Variants in XPO5 observed in about 807,000 individuals in gnomAD.
The protein encoded by XPO5 is exportin-5.
Under a neutral mutation model 160.6 loss-of-function variants are expected in XPO5, and 46 were observed. The observed-to-expected ratio is 0.29, with a 90% CI of 0.23 to 0.37. The LOEUF (loss-of-function observed/expected upper bound fraction) is 0.37. Ranked by LOEUF, XPO5 falls within the 10% of genes least tolerant of loss-of-function variation. XPO5 has a pLI of 1.00. For missense variants in XPO5, 1,090 were observed against 1,463.9 expected, an observed-to-expected ratio of 0.74 and a Z score of 4.17; for synonymous variants, 537 against 519.3, an observed-to-expected ratio of 1.03 and a Z score of -0.46.
chr6:43,530,507 T>G (rs1000742547), intron 23 of XPO5, among the ~76,000 whole-genome samples, 181 bp downstream of exon 23: 2 of 152,216 alleles, frequency 1.3e-5, no homozygotes, highest in African/African-American at 4.8e-5. Flanking sequence ...TATGGCCATC[T>G]GGACTGCCTT....
At chr6:43,531,665 G>T in intron 21 of XPO5, 90 bp from the exon 22 acceptor site, 1 of 1,126,350 alleles carries the variant, frequency 8.9e-7, no homozygotes, top group Non-Finnish European at 1.4e-6. Context: ...GTTGTTCAGG[G>T]GTGAAGATGT....
intron 8 of XPO5, among the ~76,000 whole-genome samples, chr6:43,562,814 T>G (rs1762480661): frequency 6.6e-6 from 1 of 152,172 alleles, no homozygotes; most frequent in Admixed American, 6.6e-5. Context: ...AGTATGAGTG[T>G]CATGATGTCT....
intron 17 of XPO5, among the ~76,000 whole-genome samples, chr6:43,548,708 T>G (rs1322273134): frequency 1.3e-5 from 2 of 151,364 alleles, no homozygotes; most frequent in African/African-American, 4.8e-5. Flanking sequence ...TGTGAAAAGA[T>G]CAGCTTGTTT....
At chr6:43,557,695 C>A (rs976878209) in intron 12 of XPO5, among the ~76,000 whole-genome samples, 1 of 139,144 alleles carries the variant, frequency 7.2e-6, no homozygotes, top group African/African-American at 2.7e-5. Flanking sequence ...GATGGCTGCA[C>A]AACTCTGTAA....
intron 20 of XPO5, among the ~76,000 whole-genome samples, chr6:43,537,785 G>A (rs1794426622): frequency 6.6e-6 from 1 of 152,102 alleles, no homozygotes; most frequent in Admixed American, 6.5e-5. Flanking sequence ...AGAAAAAGAG[G>A]GCCAGGCATG....
rs1364847115 is a variant in XPO5 at position 43,525,933 on chromosome 6, G to T, written c.2984-12C>A. The stretch of plus-strand genomic sequence containing the variant: ...CATCATTTCTTCATCTGTTATCAGA[G>T]AGTAGAATGTTAAGCTCCATCCTTT... On this transcript the variant is annotated splice_polypyrimidine_tract_variant and intron_variant, in intron 27 of 31. Coordinates refer to ENST00000265351, the MANE Select transcript of XPO5 (RefSeq NM_020750.3). The T allele has an allele frequency of 5.6e-6, 9 of 1,613,558 alleles. No individual in the cohort carries two copies. Among genetic ancestry groups the T allele is most frequent in the Non-Finnish European group, 7.6e-6 (9 of 1,179,700 alleles).
intron 21 of XPO5, chr6:43,533,486 C>T (rs1794129634): frequency 6.4e-6 from 1 of 157,278 alleles, no homozygotes; most frequent in South Asian, 1.9e-4. Flanking sequence ...CATTTCTGAA[C>T]AAATAGATGG....
chr6:43,536,881 A>G (rs1460099547), intron 20 of XPO5, among the ~76,000 whole-genome samples: 1 of 151,716 alleles, frequency 6.6e-6, no homozygotes, highest in East Asian at 1.9e-4. Context: ...TAACACGGTG[A>G]AACAGACAAT....
At chr6:43,524,050 G>C (rs1284574416) in intron 31 of XPO5, 45 bp from the exon 32 acceptor site, 1 of 1,595,544 alleles carries the variant, frequency 6.3e-7, no homozygotes, top group Non-Finnish European at 8.5e-7. Context: ...GCCCTCAGTA[G>C]TAGTTAAAAG....
chr6:43,560,115 A>C, intron 11 of XPO5, 63 bp downstream of exon 11: 2 of 1,558,300 alleles, frequency 1.3e-6, no homozygotes, highest in South Asian at 2.4e-5. Context: ...CACCGCACCC[A>C]GCCTCAAAGT....
chr6:43,554,039 G>C (rs921969766), intron 13 of XPO5, among the ~76,000 whole-genome samples: 4 of 152,194 alleles, frequency 2.6e-5, no homozygotes, highest in African/African-American at 9.7e-5. Context: ...CATCCTTCAA[G>C]TTTACAACTA....
Position 43,524,893 on chromosome 6 carries a change from C to T in XPO5, c.3250G>A (p.Gly1084Arg). ...TSVLKGLQMHGQHDGCMASLV... is the reference protein window; with the variant it reads ...TSVLKGLQMHRQHDGCMASLV... ...GAAGCCATGCACCCGTCGTGCTGCC[C>T]GTGCATCTGTAAGCCTTTCAGCACA... Residue 1084 changes from glycine (G) to arginine (R), a missense_variant, in exon 30 of 32, where the codon GGG becomes AGG. Gly to Arg is a moderately radical substitution (Grantham distance 125, BLOSUM62 -2). Around this residue, in one of 3 missense-constraint regions of XPO5, gnomAD observed 810 missense variants for 1,139.0 expected, o/e 0.71. Coordinates refer to ENST00000265351, the MANE Select transcript of XPO5 (RefSeq NM_020750.3). 1.9e-6 allele frequency: 3 copies of T among 1,614,020 alleles called. No individual in the cohort carries two copies. Among genetic ancestry groups the T allele is most frequent in the Non-Finnish European group, 2.5e-6 (3 of 1,179,904 alleles).
intron 20 of XPO5, among the ~76,000 whole-genome samples, chr6:43,543,732 T>C (rs775594705): frequency 6.6e-6 from 1 of 151,988 alleles, no homozygotes; most frequent in Non-Finnish European, 1.5e-5. Context: ...GGGAAGACTC[T>C]TCCCTGTGAT....
At chr6:43,542,466 G>A (rs1461093769) in intron 20 of XPO5, among the ~76,000 whole-genome samples, 1 of 151,986 alleles carries the variant, frequency 6.6e-6, no homozygotes, top group Non-Finnish European at 1.5e-5. Flanking sequence ...CTGGAGTACG[G>A]TAACATGATC....
chr6:43,545,496 CAGG>C (rs1794919795), intron 20 of XPO5, among the ~76,000 whole-genome samples: 1 of 152,014 alleles, frequency 6.6e-6, no homozygotes, highest in African/African-American at 2.4e-5. Flanking sequence ...CACTTGCGGC[CAGG>C]AGTTCGAGAC....
chr6:43,573,824 T>TATATATATATATATA (rs1491294581), intron 1 of XPO5, among the ~76,000 whole-genome samples: 2 of 103,446 alleles, frequency 1.9e-5, no homozygotes, highest in Admixed American at 9.1e-5. Flanking sequence ...TATATATATA[T>TATATATATATATATA]TTTTTTTTTT....
Position 43,553,306 on chromosome 6 carries a change from TAGAA to T in XPO5, c.1572+63_1572+66del, listed in dbSNP as rs754137520. The T allele has an allele frequency of 4.3e-4, 663 of 1,528,186 alleles. 2 individuals carry two copies. Among genetic ancestry groups the T allele is most frequent in the Non-Finnish European group, 5.4e-4 (612 of 1,135,448 alleles). 94.7% of individuals were successfully genotyped at this position (1,528,186 alleles called of 1,614,324 possible). A position where few individuals can be genotyped will look rare whatever the true frequency, so the allele number is the denominator to read the frequency against. On this transcript the variant is annotated intron_variant, in intron 14 of 31. Coordinates refer to ENST00000265351, the MANE Select transcript of XPO5 (RefSeq NM_020750.3). ...AACAGAGAGATATAGCGTCCCAAAA[TAGAA>T]AGAGAAAAGAAAAGAAAAAGGTCAA...
chr6:43,537,272 A>C (rs1794397683), intron 20 of XPO5, among the ~76,000 whole-genome samples: 1 of 151,584 alleles, frequency 6.6e-6, no homozygotes, highest in Non-Finnish European at 1.5e-5. Context: ...ATTCCCAGCC[A>C]TCTTTTTCTA....
chr6:43,560,358 A>G, intron 10 of XPO5, 55 bp from the exon 11 acceptor site: 1 of 1,502,964 alleles, frequency 6.7e-7, no homozygotes, highest in Non-Finnish European at 8.9e-7. Flanking sequence ...TATAACCCAG[A>G]TTATTACTTA....
Sources: gnomAD v4.1 joint callset for allele counts (sites outside exome capture counted in the v4.1 genomes callset) on GRCh38, gnomAD v4.1.1 for gene constraint, gnomAD v4.1.1 regional missense constraint, MANE v1.5 for transcripts, NCBI Gene and HGNC (gene_info 2026-07-23, HGNC 2026-07-21) for gene names.